GRIK2: variants seen among roughly 807,000 people sequenced by gnomAD.
GRIK2 encodes the protein glutamate ionotropic receptor kainate type subunit 2.
GRIK2 carries 32 observed loss-of-function variants against 100.3 expected under a neutral mutation model. That is an observed-to-expected ratio of 0.32 (90% CI 0.24 to 0.43). The LOEUF is 0.43. Ranked by LOEUF, GRIK2 falls within the 20% of genes least tolerant of loss-of-function variation. The pLI is 1.00. For synonymous variants in GRIK2, 417 were observed against 389.4 expected, an observed-to-expected ratio of 1.07 and a Z score of -0.83; for missense variants, 843 against 1,114.9, an observed-to-expected ratio of 0.76 and a Z score of 3.47.
intron 7 of GRIK2, among the ~76,000 whole-genome samples, chr6:101,737,037 G>A (rs1775685449): frequency 6.6e-6 from 1 of 152,022 alleles, no homozygotes; most frequent in South Asian, 2.1e-4. Flanking sequence ...TTTGCTAAAA[G>A]AATCACCTTT....
At chr6:101,869,794 G>C (rs1360395757) in intron 11 of GRIK2, among the ~76,000 whole-genome samples, 1 of 151,824 alleles carries the variant, frequency 6.6e-6, no homozygotes, top group African/African-American at 2.4e-5. Flanking sequence ...AAGAGTTTTA[G>C]TATTCAGGTT....
chr6:101,816,443 A>G (rs1781634406), intron 9 of GRIK2, among the ~76,000 whole-genome samples: 1 of 152,186 alleles, frequency 6.6e-6, no homozygotes, highest in Non-Finnish European at 1.5e-5. Context: ...GCACTTTGGG[A>G]GGCCAAGGCA....
At chr6:101,862,892 T>A (rs893320464) in intron 11 of GRIK2, among the ~76,000 whole-genome samples, 1 of 152,188 alleles carries the variant, frequency 6.6e-6, no homozygotes, top group Admixed American at 6.5e-5. Flanking sequence ...GATTTTCCAT[T>A]GGGCTGATCA....
rs150714565 is a variant in GRIK2 at position 102,012,421 on chromosome 6, A to T, written c.2086-22920A>T. On this transcript the variant is annotated intron_variant, in intron 14 of 16. Transcript: ENST00000369134. ...TTTTGGTTAGAATTGTGTTGACTTT[A>T]TAGATAAAGTTGAAAAAAACTGACA... is the stretch of plus-strand genomic sequence containing the variant. Among the ~76,000 whole-genome samples the T allele has an allele frequency of 2.6e-4, 39 of 152,256 alleles. 1 individual carries two copies. The highest frequency in any genetic ancestry group is 5.6e-4 in the Non-Finnish European group (38 of 68,024).
intron 7 of GRIK2, among the ~76,000 whole-genome samples, chr6:101,785,957 G>T (rs1779397284): frequency 6.6e-6 from 1 of 152,014 alleles, no homozygotes; most frequent in South Asian, 2.1e-4. Context: ...CATGAGCATG[G>T]TCTTTTCATC....
intron 14 of GRIK2, among the ~76,000 whole-genome samples, chr6:101,936,621 A>T (rs1484087530): frequency 6.6e-6 from 1 of 152,086 alleles, no homozygotes; most frequent in Non-Finnish European, 1.5e-5. Flanking sequence ...TGTTTATTAC[A>T]GGGATTTGCA....
chr6:101,786,203 T>G lies in GRIK2; in HGVS notation c.952-13445T>G, dbSNP rs1267055996. ...TGAATTTGCCAAATAGAGTTTTTGG[T>G]GGAGTCTTTAGGTTTTTTAAAACAT... On this transcript the variant is annotated intron_variant, in intron 7 of 16. Coordinates refer to ENST00000369134, the MANE Select transcript of GRIK2 (RefSeq NM_021956.5). 5.9e-5 allele frequency among the ~76,000 whole-genome samples: 9 copies of G among 152,032 alleles called. No individual in the cohort carries two copies. In the East Asian group the frequency reaches 1.7e-3, roughly 29 times the overall value.
chr6:101,805,291 C>T (rs953558420), intron 9 of GRIK2, among the ~76,000 whole-genome samples: 5 of 149,296 alleles, frequency 3.3e-5, no homozygotes, highest in African/African-American at 1.3e-4. Context: ...CACCGAACTT[C>T]TCTGTGCCAA....
rs73759071 is a variant in GRIK2 at position 102,054,070 on chromosome 6, G to A, written c.2312-1260G>A. 3.1e-3 allele frequency among the ~76,000 whole-genome samples: 469 copies of A among 152,228 alleles called. 2 individuals are homozygous for A. The highest frequency in any genetic ancestry group is 0.011 in the African/African-American group (451 of 41,546). On this transcript the variant is annotated intron_variant, in intron 15 of 16. Transcript: ENST00000369134. ...ATTTGAGTTCTAATTATAGGAATGG[G>A]CAATGCCCCTATTTAGGAAGGCTGT... is the stretch of plus-strand genomic sequence containing the variant.
intron 12 of GRIK2, among the ~76,000 whole-genome samples, chr6:101,909,641 A>T (rs986022653): frequency 1.7e-4 from 25 of 149,694 alleles, no homozygotes; most frequent in Middle Eastern, 3.4e-3. Flanking sequence ...AATGAAGAAG[A>T]AAAAAGCATC....
intron 7 of GRIK2, among the ~76,000 whole-genome samples, chr6:101,702,687 G>A (rs548356475): frequency 6.6e-6 from 1 of 151,980 alleles, no homozygotes; most frequent in East Asian, 1.9e-4. Flanking sequence ...AAACAAATTA[G>A]GATAAGAAGA....
At chr6:101,706,528 CAAGAT>C (rs1289387921) in intron 7 of GRIK2, among the ~76,000 whole-genome samples, 7 of 151,722 alleles carry the variant, frequency 4.6e-5, no homozygotes, top group Non-Finnish European at 1.0e-4. Flanking sequence ...AAACAAATGA[CAAGAT>C]GAGATTAGAT....
At chr6:101,689,787 T>C (rs1582965092) in intron 7 of GRIK2, among the ~76,000 whole-genome samples, 1 of 152,120 alleles carries the variant, frequency 6.6e-6, no homozygotes, top group East Asian at 1.9e-4. Flanking sequence ...ATCCAGTTAG[T>C]GCTCTGAACT....
chr6:101,918,196 G>C (rs376446265), intron 12 of GRIK2, among the ~76,000 whole-genome samples: 2 of 92,550 alleles, frequency 2.2e-5, no homozygotes, highest in Admixed American at 1.1e-4. Context: ...TAATAATGAT[G>C]ATGATGAAAA....
At chr6:102,040,499 C>T (rs1770506618) in intron 15 of GRIK2, among the ~76,000 whole-genome samples, 1 of 151,460 alleles carries the variant, frequency 6.6e-6, no homozygotes, top group Admixed American at 6.6e-5. Context: ...ACTACTTTGA[C>T]ATATAAACAA....
At position 101,737,068 on chromosome 6, in the gene GRIK2, C is replaced by T. The variant is rs542381122; in HGVS notation, c.951+50715C>T. On this transcript the variant is annotated intron_variant, in intron 7 of 16. Coordinates refer to ENST00000369134, the MANE Select transcript of GRIK2 (RefSeq NM_021956.5). ...CCTTTTCTCCAGTTCCCAACAAGTTCCTTATCTCCACCCGAGACCACCTCA... is the reference window on the plus strand; with the variant it reads ...CCTTTTCTCCAGTTCCCAACAAGTTTCTTATCTCCACCCGAGACCACCTCA... Among the ~76,000 whole-genome samples the T allele has an allele frequency of 2.9e-3, 434 of 152,232 alleles. 3 individuals are homozygous for T. The highest frequency in any genetic ancestry group is 0.01 in the Middle Eastern group (3 of 292).
chr6:102,012,183 T>C (rs1244517765), intron 14 of GRIK2, among the ~76,000 whole-genome samples: 1 of 152,202 alleles, frequency 6.6e-6, no homozygotes, highest in Non-Finnish European at 1.5e-5. Flanking sequence ...CTGGTCTATT[T>C]ATTTTGTTCT....
At chr6:101,734,386 G>C (rs1775492115) in intron 7 of GRIK2, among the ~76,000 whole-genome samples, 1 of 152,198 alleles carries the variant, frequency 6.6e-6, no homozygotes, top group Non-Finnish European at 1.5e-5. Flanking sequence ...AGGGCAGTCA[G>C]GCAGGAGAAG....
At position 101,626,613 on chromosome 6, in the gene GRIK2, A is replaced by G; in HGVS notation, c.517A>G (p.Thr173Ala). The G allele has an allele frequency of 6.2e-7, 1 of 1,613,872 alleles. No homozygotes were observed. Among genetic ancestry groups the G allele is most frequent in the Non-Finnish European group, 8.5e-7 (1 of 1,179,800 alleles). Residue 173 changes from threonine (T) to alanine (A), a missense_variant, in exon 4 of 17, where the codon ACG becomes GCG. Physicochemically the swap from Thr to Ala is moderately conservative, Grantham distance 58. This residue lies in a region of GRIK2 where 519 missense variants were observed against 643.8 expected (regional missense o/e 0.81). Transcript: ENST00000369134. ...LVQFFKWKTV[T>A]VVYDDSTGLI... ...GCAGTTTTTCAAGTGGAAAACCGTC[A>G]CGGTTGTGTATGATGACAGCACTGG... is the stretch of plus-strand genomic sequence containing the variant.
Sources: gnomAD v4.1 joint callset for allele counts (sites outside exome capture counted in the v4.1 genomes callset) on GRCh38, gnomAD v4.1.1 for gene constraint, gnomAD v4.1.1 regional missense constraint, MANE v1.5 for transcripts, NCBI Gene and HGNC (gene_info 2026-07-23, HGNC 2026-07-21) for gene names.